The following THRB variants were observed in gnomAD, a reference collection of about 807,000 sequenced individuals.
THRB encodes the protein nuclear receptor subfamily 1 group A member 2.
Under a neutral mutation model 47.8 loss-of-function variants are expected in THRB, and 12 were observed. The observed-to-expected ratio is 0.25, with a 90% CI of 0.16 to 0.41. THRB has a LOEUF of 0.41. THRB is among the 10% of genes least tolerant of loss of function. THRB has a pLI of 1.00. For synonymous variants in THRB, 218 were observed against 212.2 expected, an observed-to-expected ratio of 1.03 and a Z score of -0.24; for missense variants, 348 against 589.2, an observed-to-expected ratio of 0.59 and a Z score of 4.24.
chr3:24,428,694 C>T (rs974010295), intron 1 of THRB, among the ~76,000 whole-genome samples: 1 of 149,286 alleles, frequency 6.7e-6, no homozygotes, highest in Non-Finnish European at 1.5e-5. Flanking sequence ...GCAAGAAGAA[C>T]AGGAAAGGCT....
In THRB at chr3:24,382,242, T is replaced by C. The variant is rs534683012; in HGVS notation, c.-260-44871A>G. Among the ~76,000 whole-genome samples, 3 of 152,204 alleles carry C rather than the reference T, an allele frequency of 2.0e-5. No homozygotes were observed. In the South Asian group the frequency reaches 6.2e-4, roughly 32 times the overall value. On this transcript the variant is annotated intron_variant, in intron 1 of 10. Coordinates refer to ENST00000646209, the MANE Select transcript of THRB (RefSeq NM_001354712.2). ...TTTTGGAGAACTGATAAATTCTAAA[T>C]ACAAAGCGTCATTAGGAAAAAAAAT...
In THRB at chr3:24,488,553, C is replaced by T. The variant is rs993292812; in HGVS notation, c.-261+6099G>A. Among the ~76,000 whole-genome samples the T allele has an allele frequency of 2.0e-5, 3 of 146,538 alleles. No individual in the cohort carries two copies. The South Asian group carries it at 6.4e-4, about 31-fold the overall frequency. On this transcript the variant is annotated intron_variant, in intron 1 of 10. Coordinates refer to ENST00000646209, the MANE Select transcript of THRB (RefSeq NM_001354712.2). ...TGTGATGAGTTGGACCATGAATTTG[C>T]CTTCTTTTTTTTTTTTTAATCTCTA...
intron 3 of THRB, among the ~76,000 whole-genome samples, chr3:24,288,105 AT>A (rs1211546645): frequency 6.6e-6 from 1 of 152,198 alleles, no homozygotes; most frequent in Admixed American, 6.5e-5. Flanking sequence ...AGCATCTTTT[AT>A]TCTGTCCCAA....
intron 1 of THRB, among the ~76,000 whole-genome samples, chr3:24,398,147 A>G (rs1234417459): frequency 6.6e-6 from 1 of 152,160 alleles, no homozygotes; most frequent in African/African-American, 2.4e-5. Flanking sequence ...ATTTTTTAAA[A>G]AAATGGATTG....
intron 3 of THRB, among the ~76,000 whole-genome samples, chr3:24,261,750 T>C (rs2052063344): frequency 6.6e-6 from 1 of 152,186 alleles, no homozygotes; most frequent in Admixed American, 6.5e-5. Context: ...TTGGAACTCA[T>C]TTTATTAGAC....
chr3:24,342,305 G>C (rs1232327043), intron 1 of THRB, among the ~76,000 whole-genome samples: 1 of 152,154 alleles, frequency 6.6e-6, no homozygotes, highest in Non-Finnish European at 1.5e-5. Flanking sequence ...TAATGCAGGG[G>C]ATTGATTACG....
At chr3:24,331,527 C>T (rs2061928023) in intron 2 of THRB, among the ~76,000 whole-genome samples, 1 of 152,084 alleles carries the variant, frequency 6.6e-6, no homozygotes, top group African/African-American at 2.4e-5. Context: ...CCAGGTGATT[C>T]TTAGGGATAC....
intron 5 of THRB, among the ~76,000 whole-genome samples, chr3:24,168,975 A>G (rs67615423): frequency 0.13 from 19,878 of 152,070 alleles, 1,322 homozygotes; most frequent in African/African-American, 0.16. Flanking sequence ...GAGGCCTAAG[A>G]TATGAAATGG....
At chr3:24,294,502 G>A (rs992643438) in intron 3 of THRB, among the ~76,000 whole-genome samples, 2 of 152,210 alleles carry the variant, frequency 1.3e-5, no homozygotes, top group Non-Finnish European at 2.9e-5. Context: ...GCTAGAGGTA[G>A]TATGAGGAGG....
rs868711314 is a variant in THRB at position 24,254,124 on chromosome 3, G to A, written c.-42-25123C>T. Among the ~76,000 whole-genome samples, 5 of 146,304 alleles carry A rather than the reference G, an allele frequency of 3.4e-5. No individual in the cohort carries two copies. In the Middle Eastern group the frequency reaches 0.014, roughly 418 times the overall value. On this transcript the variant is annotated intron_variant, in intron 3 of 10. Coordinates refer to ENST00000646209, the MANE Select transcript of THRB (RefSeq NM_001354712.2). ...CACGCCTGTAATCCCAGCACTTTGG[G>A]AGGCCGAGACAGGTGGATCACGAGG...
At chr3:24,145,088 G>A (rs751799361) in intron 7 of THRB, among the ~76,000 whole-genome samples, 54 of 150,956 alleles carry the variant, frequency 3.6e-4, no homozygotes, top group Non-Finnish European at 5.7e-4. Context: ...AGTCATTTTG[G>A]TTCAGTTACT....
chr3:24,403,736 T>A (rs2067607269), intron 1 of THRB, among the ~76,000 whole-genome samples: 1 of 151,934 alleles, frequency 6.6e-6, no homozygotes, highest in African/African-American at 2.4e-5. Context: ...AGCACAAAAT[T>A]TTCCAAGTGA....
chr3:24,292,575 G>T (rs961872702), intron 3 of THRB, among the ~76,000 whole-genome samples: 1 of 152,072 alleles, frequency 6.6e-6, no homozygotes, highest in Non-Finnish European at 1.5e-5. Context: ...TCCCTGGCTC[G>T]ACGTTAAGCT....
At chr3:24,255,007 T>C (rs1046323276) in intron 3 of THRB, among the ~76,000 whole-genome samples, 3 of 152,230 alleles carry the variant, frequency 2.0e-5, no homozygotes, top group Admixed American at 1.3e-4. Context: ...ACTGCACTTA[T>C]TGTATTCCCA....
At chr3:24,482,538 CCT>C (rs10575358) in intron 1 of THRB, among the ~76,000 whole-genome samples, 2,816 of 130,356 alleles carry the variant, frequency 0.022, 70 homozygotes, top group African/African-American at 0.066. Context: ...TTTCTGTCTC[CCT>C]CTCTCTCTCT....
chr3:24,303,500 T>C (rs1192498723), intron 2 of THRB, among the ~76,000 whole-genome samples: 1 of 152,212 alleles, frequency 6.6e-6, no homozygotes, highest in Non-Finnish European at 1.5e-5. Context: ...CACGTGAGCA[T>C]GCCCGATTAT....
At chr3:24,324,852 C>A (rs1300630851) in intron 2 of THRB, among the ~76,000 whole-genome samples, 5 of 152,144 alleles carry the variant, frequency 3.3e-5, no homozygotes, top group Non-Finnish European at 7.3e-5. Context: ...TAGGTAAATG[C>A]TCTTACAATG....
At chr3:24,402,557 A>G (rs1431408491) in intron 1 of THRB, among the ~76,000 whole-genome samples, 1 of 151,526 alleles carries the variant, frequency 6.6e-6, no homozygotes, top group East Asian at 1.9e-4. Context: ...AGAAAATAAA[A>G]AACACAAAGA....
intron 1 of THRB, among the ~76,000 whole-genome samples, chr3:24,418,034 A>T (rs995222533): frequency 5.9e-5 from 9 of 151,816 alleles, no homozygotes; most frequent in Non-Finnish European, 1.2e-4. Context: ...ACCTCTTCTA[A>T]GGCCTTCTAA....
Sources: gnomAD v4.1 joint callset for allele counts (sites outside exome capture counted in the v4.1 genomes callset) on GRCh38, gnomAD v4.1.1 for gene constraint, MANE v1.5 for transcripts, NCBI Gene and HGNC (gene_info 2026-07-23, HGNC 2026-07-21) for gene names.